GALC: variants seen among roughly 807,000 people sequenced by gnomAD.
GALC encodes the protein galactocerebrosidase.
GALC carries 77 observed loss-of-function variants against 91.8 expected under a neutral mutation model. The ratio of observed to expected loss-of-function variants is 0.84; its 90% confidence interval spans 0.70 to 1.01. The LOEUF (loss-of-function observed/expected upper bound fraction) is 1.01, where lower values mean the gene tolerates loss of function less well. GALC is among the 50% of genes least tolerant of loss of function. The probability of loss-of-function intolerance (pLI) is 0.00; values close to 1 mark genes in which losing one functional copy is unlikely to be tolerated. For synonymous variants in GALC, 357 were observed against 306.7 expected (o/e 1.16, Z -1.71); for missense variants, 882 against 855.9 (o/e 1.03, Z -0.38).
At chr14:87,961,050 T>C (rs1885780641) in intron 10 of GALC, among the ~76,000 whole-genome samples, 1 of 151,996 alleles carries the variant, frequency 6.6e-6, no homozygotes, top group Non-Finnish European at 1.5e-5. Context: ...AGGGAGAAAA[T>C]ATCTGCAAAT....
At chr14:87,975,055 A>G (rs2140013512) in intron 7 of GALC, among the ~76,000 whole-genome samples, 1 of 152,218 alleles carries the variant, frequency 6.6e-6, no homozygotes, top group Admixed American at 6.5e-5. Flanking sequence ...TTTCATTTTA[A>G]TTTCAATGTA....
chr14:87,955,938 T>C (rs1885519895), intron 10 of GALC, among the ~76,000 whole-genome samples: 1 of 151,172 alleles, frequency 6.6e-6, no homozygotes, highest in Non-Finnish European at 1.5e-5. Flanking sequence ...TAGATTATCA[T>C]ACTGCCTGAA....
intron 6 of GALC, chr14:87,980,440 C>G (rs933072946): frequency 1.1e-6 from 1 of 911,124 alleles, no homozygotes; most frequent in Non-Finnish European, 1.3e-6. Flanking sequence ...GGGGTCAGTG[C>G]CCCCACTCTT....
chr14:87,954,032 C>T, intron 10 of GALC: 2 of 1,609,764 alleles, frequency 1.2e-6, no homozygotes, highest in Non-Finnish European at 1.7e-6. Flanking sequence ...TTCATGAGGA[C>T]CAATGGGTTG....
rs1240795459 is a variant in GALC at position 87,934,660 on chromosome 14, A to C, written c.*72T>G. ...CCTCATATACTGTTCCAATGAAACA[A>C]GAATTGGCTCTGAACCAAAACCAAA... On this transcript the variant is annotated 3_prime_UTR_variant, in exon 17 of 17. Coordinates refer to ENST00000261304, the MANE Select transcript of GALC (RefSeq NM_000153.4). 4.0e-5 allele frequency: 64 copies of C among 1,609,420 alleles called. No individual in the cohort carries two copies. Among genetic ancestry groups the C allele is most frequent in the Non-Finnish European group, 5.4e-5 (64 of 1,178,036 alleles).
At chr14:87,951,760 G>A (rs1479445637) in intron 10 of GALC, among the ~76,000 whole-genome samples, 2 of 151,834 alleles carry the variant, frequency 1.3e-5, no homozygotes, top group Non-Finnish European at 2.9e-5. Flanking sequence ...AAAATAAAAA[G>A]AGAAATTAGA....
rs1160550641 is a variant in GALC at position 87,984,404 on chromosome 14, T to C, written c.572A>G (p.Asp191Gly). 4 of 1,613,662 alleles carry C rather than the reference T, an allele frequency of 2.5e-6. No individual in the cohort carries two copies. Among genetic ancestry groups the C allele is most frequent in the East Asian group, 4.5e-5 (2 of 44,868 alleles). The change falls in exon 5 of 17, where the codon GAT becomes GGT. Residue 191 changes from aspartate (D) to glycine (G), a missense_variant. Coordinates refer to ENST00000261304, the MANE Select transcript of GALC (RefSeq NM_000153.4). Reference sequence around the variant, plus strand: ...AAATATATTACTAACTCCAATATAATCAATGTCCAAATCATGGTAACGCTT... The same window carrying C: ...AAATATATTACTAACTCCAATATAACCAATGTCCAAATCATGGTAACGCTT... ...GAKRYHDLDIDYIGIWNERSY... is the reference protein window; with the variant it reads ...GAKRYHDLDIGYIGIWNERSY...
chr14:87,992,350 G>A lies in GALC; in HGVS notation c.195+620C>T, dbSNP rs956241047. The A allele has an allele frequency of 5.9e-6, 9 of 1,535,588 alleles. No homozygotes were observed. In the African/African-American group the frequency reaches 9.6e-5, roughly 16 times the overall value. On this transcript the variant is annotated intron_variant, in intron 1 of 16. Coordinates refer to ENST00000261304, the MANE Select transcript of GALC (RefSeq NM_000153.4). Reference sequence around the variant, plus strand: ...GCCCATGGGCCCAGAGGGAGTACCCGGTAGTTTCAGGCCGCTCGCTTATCT... The same window carrying A: ...GCCCATGGGCCCAGAGGGAGTACCCAGTAGTTTCAGGCCGCTCGCTTATCT...
At chr14:87,992,684 T>C in intron 1 of GALC, 1 of 1,437,590 alleles carries the variant, frequency 7.0e-7, no homozygotes, top group East Asian at 2.5e-5. Flanking sequence ...CCCGGCTACT[T>C]CACTACTTAG....
intron 7 of GALC, among the ~76,000 whole-genome samples, chr14:87,973,592 T>G (rs1440720754): frequency 6.6e-6 from 1 of 152,158 alleles, no homozygotes; most frequent in African/African-American, 2.4e-5. Context: ...TAATTAAAAT[T>G]CCACGGTAGG....
At chr14:87,992,320 A>C (rs1330301400) in intron 1 of GALC, 3 of 1,535,626 alleles carry the variant, frequency 2.0e-6, no homozygotes, top group Non-Finnish European at 2.6e-6. Context: ...GTCGGCCACC[A>C]TGAAGCCCAT....
intron 7 of GALC, among the ~76,000 whole-genome samples, chr14:87,973,171 C>G (rs1415636069): frequency 1.3e-5 from 2 of 152,090 alleles, no homozygotes; most frequent in African/African-American, 4.8e-5. Context: ...GTCAAACTGT[C>G]CTTCAAGTAT....
intron 5 of GALC, 85 bp downstream of exon 5, chr14:87,984,309 G>A (rs1288864047): frequency 7.2e-6 from 10 of 1,380,786 alleles, no homozygotes; most frequent in African/African-American, 4.4e-5. Flanking sequence ...AAAATGGTTA[G>A]TCAAAAAGTA....
Position 87,945,978 on chromosome 14 carries a change from G to C in GALC, c.1490-245C>G, listed in dbSNP as rs141431914. On this transcript the variant is annotated intron_variant, in intron 13 of 16. Transcript: ENST00000261304. ...ATATTTAATCCAGGCATCTGGTGTA[G>C]AGGAAAGGTCATGAGTTTTGAAGTA... Among the ~76,000 whole-genome samples, 679 of 152,156 alleles carry C rather than the reference G, an allele frequency of 4.5e-3. 4 individuals carry two copies. Among genetic ancestry groups the C allele is most frequent in the African/African-American group, 0.015 (643 of 41,542 alleles).
chr14:87,980,913 G>C (rs1329791361), intron 6 of GALC, among the ~76,000 whole-genome samples: 3 of 152,148 alleles, frequency 2.0e-5, no homozygotes, highest in Non-Finnish European at 4.4e-5. Flanking sequence ...ATCTACTTAA[G>C]AACATAAAAC....
chr14:87,952,954 A>AT, intron 10 of GALC: 1 of 891,520 alleles, frequency 1.1e-6, no homozygotes, highest in Non-Finnish European at 1.9e-6. Flanking sequence ...CATCAGTCAG[A>AT]TATCTGTGGT....
chr14:87,953,582 T>C (rs1284091523), intron 10 of GALC: 26 of 1,609,588 alleles, frequency 1.6e-5, no homozygotes, highest in Non-Finnish European at 1.9e-5. Context: ...TCAGGAATAC[T>C]GTGTTCCCAA....
intron 3 of GALC, chr14:87,987,079 GGA>G: frequency 2.7e-6 from 1 of 375,166 alleles, no homozygotes; most frequent in Non-Finnish European, 5.2e-6. Context: ...AGAGTTTTGA[GGA>G]AAAAAAAAGG....
Position 87,965,582 on chromosome 14 carries a change from TA to T in GALC, c.955del (p.Tyr319MetfsTer6), listed in dbSNP as rs786204454. The part of the protein sequence containing the change: ...LVASYYEQLP[Y>X]GRCGLMTAQE... The stretch of plus-strand genomic sequence containing the variant: ...GGCCGTCATCAACCCGCATCTCCCA[TA>T]AGGCAACTGTTCATAGTAACTAGCC... On this transcript the variant is annotated frameshift_variant, in exon 9 of 17. Coordinates refer to ENST00000261304, the MANE Select transcript of GALC (RefSeq NM_000153.4). LOFTEE classifies it high-confidence loss of function. The T allele has an allele frequency of 1.2e-6, 2 of 1,613,458 alleles. No individual in the cohort carries two copies. The highest frequency in any genetic ancestry group is 1.7e-6 in the Non-Finnish European group (2 of 1,179,614).
Sources: allele counts gnomAD v4.1 joint callset (sites outside exome capture counted in the v4.1 genomes callset), GRCh38; gene constraint gnomAD v4.1.1; transcripts MANE v1.5; gene names NCBI Gene and HGNC (gene_info 2026-07-23, HGNC 2026-07-21).